LSP1: variants seen among roughly 807,000 people sequenced by gnomAD.
The protein encoded by LSP1 is lymphocyte specific protein 1, also known as lymphocyte-specific protein 1.
A neutral mutation model predicts 49.3 loss-of-function variants in LSP1; 32 were observed. The ratio of observed to expected loss-of-function variants is 0.65; its 90% CI spans 0.49 to 0.87. The LOEUF is 0.87. Ranked by LOEUF, LSP1 falls within the 40% of genes least tolerant of loss-of-function variation. LSP1 has a pLI of 0.00. For missense variants in LSP1, 428 were observed against 442.6 expected, an observed-to-expected ratio of 0.97 and a Z score of 0.30; for synonymous variants, 179 against 178.8, an observed-to-expected ratio of 1.00 and a Z score of -0.01.
At chr11:1,860,123 C>G (rs1371078302) in intron 1 of LSP1, among the ~76,000 whole-genome samples, 4 of 152,026 alleles carry the variant, frequency 2.6e-5, no homozygotes, top group African/African-American at 9.7e-5. Flanking sequence ...GGGCCATGAG[C>G]TTATGAACCA....
At chr11:1,874,240 C>T (rs1486684204) in intron 1 of LSP1, among the ~76,000 whole-genome samples, 1 of 63,496 alleles carries the variant, frequency 1.6e-5, no homozygotes, top group African/African-American at 7.8e-5. Context: ...GAGGGCAGGC[C>T]GGGGACAGTG....
Position 1,871,020 on chromosome 11 carries a change from G to A in LSP1, c.54-9067G>A, listed in dbSNP as rs568393503. 8.9e-5 allele frequency: 88 copies of A among 985,630 alleles called. 2 individuals carry two copies. In the South Asian group the frequency reaches 2.3e-3, roughly 25 times the overall value. 61.1% of individuals were successfully genotyped at this position (985,630 alleles called of 1,614,324 possible). A position where few individuals can be genotyped will look rare whatever the true frequency, so the allele number is the denominator to read the frequency against. Reference sequence around the variant, plus strand: ...TCCCCTCCTGCGGGAAGCAGGCACCGAGTGGGGCTGCATGTAGACGCATGC... The same window carrying A: ...TCCCCTCCTGCGGGAAGCAGGCACCAAGTGGGGCTGCATGTAGACGCATGC... On this transcript the variant is annotated intron_variant, in intron 1 of 10. Coordinates refer to ENST00000311604, the MANE Select transcript of LSP1 (RefSeq NM_002339.3).
chr11:1,880,047 G>A (rs2133111264), intron 1 of LSP1, 40 bp from the exon 2 acceptor site: 1 of 1,603,432 alleles, frequency 6.2e-7, no homozygotes. Context: ...CAGCACCTGT[G>A]TCGGCTGTGG....
chr11:1,890,956 C>T (rs1055814268), intron 10 of LSP1: 119 of 203,052 alleles, frequency 5.9e-4, no homozygotes, highest in African/African-American at 2.6e-3. Context: ...GACGGAGACG[C>T]GGGTGAGCCC....
chr11:1,882,265 G>A (rs1565085799), intron 3 of LSP1, among the ~76,000 whole-genome samples: 1 of 152,084 alleles, frequency 6.6e-6, no homozygotes, highest in Non-Finnish European at 1.5e-5. Context: ...CAGGGCCTGG[G>A]CCATCTGGGA....
At chr11:1,878,482 C>CG (rs1380240006) in intron 1 of LSP1, among the ~76,000 whole-genome samples, 2 of 134,116 alleles carry the variant, frequency 1.5e-5, no homozygotes, top group Non-Finnish European at 3.3e-5. Context: ...TTCGGGGGCG[C>CG]GGGGGGCGGG....
At chr11:1,889,566 C>A in intron 10 of LSP1, 1 of 612,960 alleles carries the variant, frequency 1.6e-6, no homozygotes. Context: ...CCACGTCCAG[C>A]CACTGAGCCG....
intron 1 of LSP1, chr11:1,866,945 G>C: frequency 6.8e-7 from 1 of 1,472,784 alleles, no homozygotes; most frequent in Non-Finnish European, 9.0e-7. Flanking sequence ...CACTGAAACC[G>C]TGTGGGCCCA....
chr11:1,876,689 C>G lies in LSP1; in HGVS notation c.54-3398C>G, dbSNP rs1226642335. On this transcript the variant is annotated intron_variant, in intron 1 of 10. Coordinates refer to ENST00000311604, the MANE Select transcript of LSP1 (RefSeq NM_002339.3). ...TGGGCCGAGGATGGGCATTGTCAGG[C>G]CCTCAGCGGGGACTGGGAGGTAGAA... The G allele has an allele frequency of 3.1e-6, 3 of 953,056 alleles. No individual in the cohort carries two copies. In the African/African-American group the frequency reaches 5.3e-5, roughly 17 times the overall value. 59.0% of individuals were successfully genotyped at this position (953,056 alleles called of 1,614,324 possible).
rs565091120 is a variant in LSP1, at chr11:1,879,314, C to T, written c.54-773C>T. 5.3e-5 allele frequency among the ~76,000 whole-genome samples: 8 copies of T among 152,322 alleles called. No homozygotes were observed. The East Asian group carries it at 1.4e-3, about 26-fold the overall frequency. On this transcript the variant is annotated intron_variant, in intron 1 of 10. Transcript: ENST00000311604. ...GAGCCCAGATCACACCATTGCACTC[C>T]AGCCTGGGCAACAAGAGTGAAACTC...
chr11:1,869,926 C>A (rs921112323), intron 1 of LSP1, among the ~76,000 whole-genome samples: 5 of 152,098 alleles, frequency 3.3e-5, no homozygotes, highest in Admixed American at 3.3e-4. Context: ...CCTGCCTGGT[C>A]TTCCCCACAC....
chr11:1,875,474 C>T (rs1443659741), intron 1 of LSP1, among the ~76,000 whole-genome samples: 1 of 152,246 alleles, frequency 6.6e-6, no homozygotes, highest in African/African-American at 2.4e-5. Flanking sequence ...TGCTCTCTGC[C>T]TTCCTGCATT....
rs868453056 is a variant in LSP1, at chr11:1,871,383, C to G, written c.54-8704C>G. ...GAGCGGGACAAGGGTGCTGCCGGCACAGGGCTGACCACAGAGCACATCAAA... is the reference window on the plus strand; with the variant it reads ...GAGCGGGACAAGGGTGCTGCCGGCAGAGGGCTGACCACAGAGCACATCAAA... On this transcript the variant is annotated intron_variant, in intron 1 of 10. Coordinates refer to ENST00000311604, the MANE Select transcript of LSP1 (RefSeq NM_002339.3). 4 of 986,262 alleles carry G rather than the reference C, an allele frequency of 4.1e-6. No homozygotes were observed. In the South Asian group the frequency reaches 1.9e-4, roughly 46 times the overall value. The allele number at this position is 986,262 out of a possible 1,614,324, so 61.1% of individuals were successfully genotyped here.
At chr11:1,862,372 A>C (rs1257798687) in intron 1 of LSP1, among the ~76,000 whole-genome samples, 1 of 152,238 alleles carries the variant, frequency 6.6e-6, no homozygotes, top group Non-Finnish European at 1.5e-5. Flanking sequence ...CTGACAGATG[A>C]TCATTCTCTA....
chr11:1,856,774 C>A (rs566630707), intron 1 of LSP1, among the ~76,000 whole-genome samples: 1 of 152,348 alleles, frequency 6.6e-6, no homozygotes, highest in Non-Finnish European at 1.5e-5. Flanking sequence ...GCAGCCCTCC[C>A]GCCCACCTGC....
intron 1 of LSP1, among the ~76,000 whole-genome samples, chr11:1,878,489 C>T (rs1196368105): frequency 2.1e-5 from 3 of 141,674 alleles, no homozygotes; most frequent in African/African-American, 5.3e-5. Flanking sequence ...GCGCGGGGGG[C>T]GGGGTGCACA....
intron 1 of LSP1, chr11:1,870,570 GA>G (rs1847956743): frequency 8.7e-7 from 1 of 1,146,964 alleles, no homozygotes; most frequent in Non-Finnish European, 1.1e-6. Context: ...GCTACGGTAG[GA>G]AGATCCCGGT....
chr11:1,881,405 G>T (rs536462), intron 2 of LSP1, 27 bp from the exon 3 acceptor site: 1,484,273 of 1,547,736 alleles, frequency 0.96, 712,477 homozygotes, highest in East Asian at 1. Flanking sequence ...AGCCGCCCAG[G>T]CCTAAGCTCC....
intron 1 of LSP1, among the ~76,000 whole-genome samples, chr11:1,858,411 G>A (rs936393271): frequency 2.0e-5 from 3 of 152,236 alleles, no homozygotes; most frequent in Non-Finnish European, 4.4e-5. Flanking sequence ...CCCGAAAAGC[G>A]GAACTGGGAC....
Sources: gnomAD v4.1 joint callset for allele counts (sites outside exome capture counted in the v4.1 genomes callset) on GRCh38, gnomAD v4.1.1 for gene constraint, MANE v1.5 for transcripts, NCBI Gene and HGNC (gene_info 2026-07-23, HGNC 2026-07-21) for gene names.